The following CAMK1D variants were observed in gnomAD, a reference collection of about 807,000 sequenced individuals.
CAMK1D encodes the protein calcium/calmodulin-dependent protein kinase type 1D.
CAMK1D carries 9 observed loss-of-function variants against 47.7 expected under a neutral mutation model. That is an observed-to-expected ratio of 0.19 (90% confidence interval 0.11 to 0.33). CAMK1D has a LOEUF of 0.33. CAMK1D is among the 10% of genes least tolerant of loss of function. The pLI is 1.00. For missense variants in CAMK1D, 291 were observed against 488.7 expected, an observed-to-expected ratio of 0.60 and a Z score of 3.81; for synonymous variants, 184 against 184.9, an observed-to-expected ratio of 0.99 and a Z score of 0.04.
rs578224820 is a variant in CAMK1D at position 12,616,013 on chromosome 10, ATG to A, written c.225-50717_225-50716del. On this transcript the variant is annotated intron_variant, in intron 2 of 10. Coordinates refer to ENST00000619168, the MANE Select transcript of CAMK1D (RefSeq NM_153498.4). ...TGTATAGGTGTGTTTGTGGGTGTGC[ATG>A]TGTGTTGCTGTGTGTGTGGGTGTGT... Among the ~76,000 whole-genome samples the A allele has an allele frequency of 6.9e-5, 10 of 144,218 alleles. No homozygotes were observed. In the South Asian group the frequency reaches 2.0e-3, roughly 29 times the overall value. The allele number at this position is 144,218 out of a possible 152,430, so 94.6% of individuals were successfully genotyped here. A position where few individuals can be genotyped will look rare whatever the true frequency, so the allele number is the denominator to read the frequency against.
chr10:12,592,535 G>T (rs982282900), intron 2 of CAMK1D, among the ~76,000 whole-genome samples: 9 of 152,116 alleles, frequency 5.9e-5, no homozygotes, highest in Admixed American at 5.9e-4. Flanking sequence ...ATCCCCAAGT[G>T]TCTGTCAGCC....
At chr10:12,369,825 G>A (rs1326774798) in intron 1 of CAMK1D, among the ~76,000 whole-genome samples, 6 of 151,474 alleles carry the variant, frequency 4.0e-5, no homozygotes, top group Non-Finnish European at 5.9e-5. Flanking sequence ...GTGTGGTGGC[G>A]CGTGCCTATA....
intron 1 of CAMK1D, among the ~76,000 whole-genome samples, chr10:12,374,014 C>G (rs1838092629): frequency 6.8e-6 from 1 of 146,574 alleles, no homozygotes; most frequent in South Asian, 2.1e-4. Flanking sequence ...AATCCTAGCA[C>G]TTTGGGAGGC....
chr10:12,748,140 A>T (rs1279377672), intron 3 of CAMK1D, among the ~76,000 whole-genome samples: 1 of 152,194 alleles, frequency 6.6e-6, no homozygotes, highest in East Asian at 1.9e-4. Context: ...ATGCAATTTT[A>T]TTCCTCTCTT....
At chr10:12,762,897 T>G (rs116658206) in intron 4 of CAMK1D, among the ~76,000 whole-genome samples, 3,015 of 152,256 alleles carry the variant, frequency 0.02, 95 homozygotes, top group East Asian at 0.062. Context: ...CCAGAACACA[T>G]AGGCAGCTCT....
intron 2 of CAMK1D, among the ~76,000 whole-genome samples, chr10:12,653,945 T>C (rs1840050019): frequency 6.6e-6 from 1 of 152,174 alleles, no homozygotes; most frequent in South Asian, 2.1e-4. Context: ...GTCATGGGTT[T>C]GAGTTGTGAA....
intron 6 of CAMK1D, among the ~76,000 whole-genome samples, chr10:12,801,475 TATCCATTCATCCATCC>T (rs1182945435): frequency 1.3e-5 from 2 of 150,996 alleles, no homozygotes; most frequent in East Asian, 2.0e-4. Flanking sequence ...GTCATCTATC[TATCCATTCATCCATCC>T]ATCCATTCAT....
chr10:12,628,415 A>G (rs544472167), intron 2 of CAMK1D, among the ~76,000 whole-genome samples: 68 of 152,224 alleles, frequency 4.5e-4, no homozygotes, highest in African/African-American at 1.5e-3. Context: ...CTAATTAATA[A>G]CTTTGTCTTA....
At chr10:12,497,390 T>C (rs1834573023) in intron 1 of CAMK1D, among the ~76,000 whole-genome samples, 1 of 145,630 alleles carries the variant, frequency 6.9e-6, no homozygotes, top group Non-Finnish European at 1.5e-5. Context: ...GGCAGGAGAA[T>C]CACTTGAACC....
At chr10:12,770,882 A>G (rs763962803) in intron 5 of CAMK1D, among the ~76,000 whole-genome samples, 7 of 150,548 alleles carry the variant, frequency 4.6e-5, no homozygotes, top group Non-Finnish European at 8.9e-5. Context: ...AGGTTGGAAA[A>G]GAGTTATGGA....
At chr10:12,498,041 T>G (rs1357139744) in intron 1 of CAMK1D, among the ~76,000 whole-genome samples, 1 of 152,116 alleles carries the variant, frequency 6.6e-6, no homozygotes, top group African/African-American at 2.4e-5. Flanking sequence ...CTCATGAAAT[T>G]TATTCATTAT....
intron 3 of CAMK1D, among the ~76,000 whole-genome samples, chr10:12,705,055 A>G (rs1477332264): frequency 6.6e-6 from 1 of 152,186 alleles, no homozygotes; most frequent in Non-Finnish European, 1.5e-5. Context: ...TGCTTATTTA[A>G]TGGGTTTTAG....
chr10:12,693,243 T>C (rs1282067217), intron 3 of CAMK1D, among the ~76,000 whole-genome samples: 1 of 152,120 alleles, frequency 6.6e-6, no homozygotes, highest in Non-Finnish European at 1.5e-5. Flanking sequence ...CGTGCGCCTG[T>C]AGTCTAAGCT....
chr10:12,751,100 A>C (rs952104765), intron 3 of CAMK1D, among the ~76,000 whole-genome samples: 2 of 88,976 alleles, frequency 2.2e-5, no homozygotes, highest in African/African-American at 9.9e-5. Context: ...AGATAAGATA[A>C]GATAAGATAA....
intron 3 of CAMK1D, among the ~76,000 whole-genome samples, chr10:12,758,951 T>C (rs186570210): frequency 5.9e-5 from 9 of 152,308 alleles, no homozygotes; most frequent in Admixed American, 5.9e-4. Flanking sequence ...TAACAGACGT[T>C]CCGCCTTCAG....
At chr10:12,363,490 G>C (rs1837741311) in intron 1 of CAMK1D, among the ~76,000 whole-genome samples, 2 of 151,982 alleles carry the variant, frequency 1.3e-5, no homozygotes, top group Admixed American at 6.6e-5. Context: ...CCTGACCTCT[G>C]GTGATCTGCC....
intron 2 of CAMK1D, among the ~76,000 whole-genome samples, chr10:12,656,882 C>T (rs1446038868): frequency 2.0e-5 from 3 of 151,972 alleles, no homozygotes; most frequent in South Asian, 2.1e-4. Flanking sequence ...TATATATACA[C>T]GTGGATAGAT....
chr10:12,682,469 T>C (rs1832481962), intron 3 of CAMK1D, among the ~76,000 whole-genome samples: 1 of 152,226 alleles, frequency 6.6e-6, no homozygotes, highest in Non-Finnish European at 1.5e-5. Context: ...ATCATACCTA[T>C]AAAAATATTT....
intron 1 of CAMK1D, among the ~76,000 whole-genome samples, chr10:12,543,474 A>G (rs745877876): frequency 6.6e-6 from 1 of 152,180 alleles, no homozygotes; most frequent in African/African-American, 2.4e-5. Flanking sequence ...GGTAGTGAGG[A>G]GGGAGTTAGC....
Sources: allele counts gnomAD v4.1 joint callset (sites outside exome capture counted in the v4.1 genomes callset), GRCh38; gene constraint gnomAD v4.1.1; transcripts MANE v1.5; gene names NCBI Gene and HGNC (gene_info 2026-07-23, HGNC 2026-07-21).